SLC7A11: variants seen among roughly 807,000 people sequenced by gnomAD.
SLC7A11 encodes the protein cystine/glutamate transporter.
In SLC7A11, 35 loss-of-function variants were observed where a neutral mutation model predicts 54.5. The observed-to-expected ratio is 0.64, with a 90% confidence interval of 0.49 to 0.85. The LOEUF (loss-of-function observed/expected upper bound fraction) is 0.85. Ranked by LOEUF, SLC7A11 falls within the 40% of genes least tolerant of loss-of-function variation. The probability of loss-of-function intolerance (pLI) is 0.00; values close to 1 mark genes in which losing one functional copy is unlikely to be tolerated. For synonymous variants in SLC7A11, 230 were observed against 225.2 expected, an observed-to-expected ratio of 1.02 and a Z score of -0.19; for missense variants, 583 against 618.1, an observed-to-expected ratio of 0.94 and a Z score of 0.60.
chr4:138,178,540 T>C (rs1736640364), intron 11 of SLC7A11, among the ~76,000 whole-genome samples: 1 of 152,154 alleles, frequency 6.6e-6, no homozygotes, highest in African/African-American at 2.4e-5. Context: ...TGGTTCTAGG[T>C]TCTTGAAGAA....
chr4:138,241,839 G>A lies in SLC7A11; in HGVS notation c.231C>T (p.Gly77=), dbSNP rs1349955785. The A allele has an allele frequency of 1.2e-6, 2 of 1,614,056 alleles. No individual in the cohort carries two copies. Among genetic ancestry groups the A allele is most frequent in the Non-Finnish European group, 1.7e-6 (2 of 1,179,994 alleles). ...KGVLQNTGSV[G]MSLTIWTVCG... ...ACACCGTCCAGATGGTCAGAGACATGCCCACGCTGCCCGTGTTCTGGAGCA... is the reference window on the plus strand; with the variant it reads ...ACACCGTCCAGATGGTCAGAGACATACCCACGCTGCCCGTGTTCTGGAGCA... The change falls in exon 1 of 12, where the codon GGC becomes GGT. Residue 77 remains glycine, a synonymous_variant. Transcript: ENST00000280612.
Position 138,176,690 on chromosome 4 carries a change from C to T in SLC7A11, c.1444+2527G>A, listed in dbSNP as rs1274752976. On this transcript the variant is annotated intron_variant, in intron 11 of 11. Transcript: ENST00000280612. ...TCATGCTCCCTTTCTTCTAGTCTAA[C>T]TCTAGGACCACCAGCTCTTTCTTCC... 5 of 152,166 alleles carry T rather than the reference C, an allele frequency of 3.3e-5. No homozygotes were observed. The South Asian group carries it at 8.3e-4, about 25-fold the overall frequency. The allele number at this position is 152,166 out of a possible 1,614,324, so 9.4% of individuals were successfully genotyped here.
chr4:138,171,075 A>C lies in SLC7A11; in HGVS notation c.*881T>G, dbSNP rs931085544. 6.6e-6 allele frequency: 1 copy of C among 152,176 alleles called. No individual in the cohort carries two copies. The highest frequency in any genetic ancestry group is 1.5e-5 in the Non-Finnish European group (1 of 68,018). 9.4% of individuals were successfully genotyped at this position (152,176 alleles called of 1,614,324 possible). On this transcript the variant is annotated 3_prime_UTR_variant, in exon 12 of 12. Transcript: ENST00000280612. ...TGATTTCTCTCATGTTGATAATGTA[A>C]TTTGAAGGCTTAAAATGCATATGTT...
At chr4:138,191,806 T>G (rs1392423108) in intron 6 of SLC7A11, among the ~76,000 whole-genome samples, 2 of 152,154 alleles carry the variant, frequency 1.3e-5, no homozygotes, top group African/African-American at 4.8e-5. Flanking sequence ...TTTTCTCATT[T>G]TCTAAAGACT....
At chr4:138,212,990 T>C (rs192389471) in intron 6 of SLC7A11, among the ~76,000 whole-genome samples, 18 of 152,136 alleles carry the variant, frequency 1.2e-4, no homozygotes, top group Admixed American at 2.6e-4. Context: ...AGAAATTCAA[T>C]ACATATTTTA....
At chr4:138,179,816 C>G (rs188088911) in intron 10 of SLC7A11, among the ~76,000 whole-genome samples, 6 of 152,190 alleles carry the variant, frequency 3.9e-5, no homozygotes, top group Admixed American at 2.0e-4. Context: ...ATGTTAAAGT[C>G]TTTCAGTGCA....
At chr4:138,218,074 A>G (rs1160363207) in intron 5 of SLC7A11, among the ~76,000 whole-genome samples, 1 of 152,200 alleles carries the variant, frequency 6.6e-6, no homozygotes, top group Non-Finnish European at 1.5e-5. Flanking sequence ...CCATGTTAAG[A>G]TTTTAAGTTC....
intron 3 of SLC7A11, among the ~76,000 whole-genome samples, chr4:138,230,584 C>T (rs1738053692): frequency 6.6e-6 from 1 of 152,044 alleles, no homozygotes; most frequent in African/African-American, 2.4e-5. Flanking sequence ...CACAAGATCA[C>T]AAAACTAAGA....
chr4:138,178,409 T>G (rs1372502217), intron 11 of SLC7A11, among the ~76,000 whole-genome samples: 1 of 152,190 alleles, frequency 6.6e-6, no homozygotes, highest in East Asian at 1.9e-4. Flanking sequence ...TGGTTCTAAG[T>G]TTTTGCTATT....
intron 6 of SLC7A11, among the ~76,000 whole-genome samples, chr4:138,193,534 G>C (rs1737061201): frequency 6.6e-6 from 1 of 152,144 alleles, no homozygotes; most frequent in Admixed American, 6.6e-5. Context: ...TGGTGCAGTG[G>C]CTCACACCTG....
At chr4:138,202,279 T>C (rs764103334) in intron 6 of SLC7A11, among the ~76,000 whole-genome samples, 4 of 152,070 alleles carry the variant, frequency 2.6e-5, no homozygotes, top group African/African-American at 7.2e-5. Context: ...GGTACACTCC[T>C]TATATCACAA....
At chr4:138,226,261 A>G (rs1376814170) in intron 3 of SLC7A11, among the ~76,000 whole-genome samples, 1 of 152,144 alleles carries the variant, frequency 6.6e-6, no homozygotes, top group Non-Finnish European at 1.5e-5. Context: ...AAAACTAAAA[A>G]TAAATCTATC....
intron 4 of SLC7A11, among the ~76,000 whole-genome samples, chr4:138,221,419 A>G (rs1177854507): frequency 6.6e-6 from 1 of 152,208 alleles, no homozygotes; most frequent in Non-Finnish European, 1.5e-5. Flanking sequence ...AGAGTTTCAG[A>G]TTAATGTGAA....
chr4:138,216,513 C>A (rs983376828), intron 5 of SLC7A11, among the ~76,000 whole-genome samples: 4 of 152,128 alleles, frequency 2.6e-5, no homozygotes, highest in African/African-American at 9.7e-5. Context: ...ATGTTATTAA[C>A]ATTGTTCCGA....
rs145453312 is a variant in SLC7A11, at chr4:138,179,272, C to T, written c.1389G>A (p.Ala463=). Residue 463 remains alanine (A), a synonymous_variant, in exon 11 of 12, where the codon GCG becomes GCA. Coordinates refer to ENST00000280612, the MANE Select transcript of SLC7A11 (RefSeq NM_014331.4). ...GFVITLTGVP[A]YYLFIIWDKK... ...TGTCCCATATAATAAAGAGATAATA[C>T]GCAGGGACTCCAGTCAGAGTGATGA... 8.0e-5 allele frequency: 129 copies of T among 1,612,328 alleles called. No homozygotes were observed. Among genetic ancestry groups the T allele is most frequent in the South Asian group, 1.2e-4 (11 of 91,034 alleles).
At chr4:138,237,739 T>TATATATATA (rs1738270196) in intron 1 of SLC7A11, among the ~76,000 whole-genome samples, 3 of 9,204 alleles carry the variant, frequency 3.3e-4, no homozygotes, top group Non-Finnish European at 3.7e-4. Flanking sequence ...ATATATATAT[T>TATATATATA]TTTTTTTTTT....
At chr4:138,222,785 G>A (rs1578664595) in intron 4 of SLC7A11, among the ~76,000 whole-genome samples, 1 of 151,932 alleles carries the variant, frequency 6.6e-6, no homozygotes, top group Admixed American at 6.6e-5. Flanking sequence ...GAAAGTCAAA[G>A]AATTATTGAT....
At position 138,168,460 on chromosome 4, in the gene SLC7A11, T is replaced by C. The variant is rs1478618742; in HGVS notation, c.*3496A>G. The C allele has an allele frequency of 6.6e-6, 1 of 152,192 alleles. No individual in the cohort carries two copies. Among genetic ancestry groups the C allele is most frequent in the Non-Finnish European group, 1.5e-5 (1 of 68,028 alleles). 9.4% of individuals were successfully genotyped at this position (152,192 alleles called of 1,614,324 possible). On this transcript the variant is annotated 3_prime_UTR_variant, in exon 12 of 12. Transcript: ENST00000280612. The stretch of plus-strand genomic sequence containing the variant: ...CAAAGGTCAGAGTTGCTCCCTTTCT[T>C]AGCAGTATATTCATCTGCAAATCAA...
At chr4:138,199,530 G>T (rs937093452) in intron 6 of SLC7A11, among the ~76,000 whole-genome samples, 4 of 152,068 alleles carry the variant, frequency 2.6e-5, no homozygotes, top group African/African-American at 4.8e-5. Context: ...TGTCCATTAT[G>T]AGAAATACTG....
Sources: gnomAD v4.1 joint callset for allele counts (sites outside exome capture counted in the v4.1 genomes callset) on GRCh38, gnomAD v4.1.1 for gene constraint, MANE v1.5 for transcripts, NCBI Gene and HGNC (gene_info 2026-07-23, HGNC 2026-07-21) for gene names.